The following LINGO2 variants were observed in gnomAD, a reference collection of about 807,000 sequenced individuals.
LINGO2 encodes leucine-rich repeat and immunoglobulin-like domain-containing nogo receptor-interacting protein 2.
A neutral mutation model predicts 30.6 loss-of-function variants in LINGO2; 14 were observed. That is an observed-to-expected ratio of 0.46 (90% CI 0.30 to 0.72). The LOEUF is 0.72. LINGO2 is among the 30% of genes least tolerant of loss of function. The pLI is 0.07. For missense variants in LINGO2, 729 were observed against 751.7 expected, an observed-to-expected ratio of 0.97 and a Z score of 0.35; for synonymous variants, 317 against 288.5, an observed-to-expected ratio of 1.10 and a Z score of -1.00.
intron 2 of LINGO2, among the ~76,000 whole-genome samples, chr9:28,443,888 G>A (rs1015128412): frequency 6.6e-6 from 1 of 152,132 alleles, no homozygotes; most frequent in Non-Finnish European, 1.5e-5. Context: ...CTGAAGCCTG[G>A]GTCTGGGCTG....
the LINGO2 span, among the ~76,000 whole-genome samples, chr9:28,783,145 G>A: frequency 6.6e-6 from 1 of 152,122 alleles, no homozygotes; most frequent in Non-Finnish European, 1.5e-5. Context: ...AACTTCTGGT[G>A]CTCAACTTAA....
At chr9:28,881,270 T>C in the LINGO2 span, among the ~76,000 whole-genome samples, 1 of 152,138 alleles carries the variant, frequency 6.6e-6, no homozygotes, top group Middle Eastern at 3.4e-3. Flanking sequence ...ATTACAGGTA[T>C]GTCACACCAC....
chr9:27,964,973 A>T (rs2118647221), intron 5 of LINGO2, among the ~76,000 whole-genome samples: 1 of 152,256 alleles, frequency 6.6e-6, no homozygotes, highest in South Asian at 2.1e-4. Context: ...AACCTCTGGA[A>T]ATGCAGAGCA....
At chr9:28,187,491 G>GA (rs34656512) in intron 4 of LINGO2, among the ~76,000 whole-genome samples, 250 of 132,994 alleles carry the variant, frequency 1.9e-3, no homozygotes, top group African/African-American at 3.9e-3. Flanking sequence ...CTCTGTCTCA[G>GA]AAAAAAAAAA....
At chr9:28,991,646 A>C in the LINGO2 span, among the ~76,000 whole-genome samples, 16 of 150,464 alleles carry the variant, frequency 1.1e-4, no homozygotes, top group East Asian at 1.2e-3. Flanking sequence ...AGGGAAGCCC[A>C]TCAGACTAAC....
intron 4 of LINGO2, among the ~76,000 whole-genome samples, chr9:28,107,177 G>A (rs974352624): frequency 2.6e-5 from 4 of 152,138 alleles, no homozygotes; most frequent in African/African-American, 4.8e-5. Context: ...TTTAACAGAA[G>A]TATGTCTTTA....
intron 5 of LINGO2, among the ~76,000 whole-genome samples, chr9:27,982,912 A>T (rs888949809): frequency 1.3e-5 from 2 of 151,656 alleles, no homozygotes; most frequent in African/African-American, 4.8e-5. Flanking sequence ...ACACTTACGA[A>T]CTGTAAAGTG....
At chr9:28,201,078 C>CTTT (rs199805525) in intron 4 of LINGO2, among the ~76,000 whole-genome samples, 1 of 137,470 alleles carries the variant, frequency 7.3e-6, no homozygotes, top group East Asian at 2.1e-4. Flanking sequence ...TATCTTTTTT[C>CTTT]TTTTTTTTTT....
chr9:28,772,895 T>G, the LINGO2 span, among the ~76,000 whole-genome samples: 1 of 152,166 alleles, frequency 6.6e-6, no homozygotes, highest in African/African-American at 2.4e-5. Flanking sequence ...CTTAATCCAA[T>G]TTGTCCACAA....
chr9:28,215,751 T>C (rs935394453), intron 4 of LINGO2, among the ~76,000 whole-genome samples: 5 of 151,818 alleles, frequency 3.3e-5, no homozygotes, highest in African/African-American at 1.2e-4. Flanking sequence ...AACTCCATCA[T>C]AGAAACACTC....
At chr9:29,001,942 A>T in the LINGO2 span, among the ~76,000 whole-genome samples, 1 of 151,918 alleles carries the variant, frequency 6.6e-6, no homozygotes, top group South Asian at 2.1e-4. Flanking sequence ...TTCTCTCTTC[A>T]TCACTGGGTT....
At chr9:28,670,136 T>C (rs892957692) in intron 1 of LINGO2, 64 bp downstream of exon 3, 1 of 152,026 alleles carries the variant, frequency 6.6e-6, no homozygotes, top group Non-Finnish European at 1.5e-5. Context: ...AAAATAAGTT[T>C]TAAAATAAAA....
the LINGO2 span, among the ~76,000 whole-genome samples, chr9:29,038,800 T>C: frequency 4.6e-5 from 7 of 151,934 alleles, no homozygotes; most frequent in African/African-American, 1.7e-4. Context: ...AAACAGAAAG[T>C]AGAGCAGGAT....
At chr9:28,053,578 A>G (rs115208047) in intron 4 of LINGO2, among the ~76,000 whole-genome samples, 398 of 152,210 alleles carry the variant, frequency 2.6e-3, no homozygotes, top group African/African-American at 9.1e-3. Context: ...TAAGGTTTAC[A>G]ATCAAAACAC....
At chr9:28,600,383 T>G (rs796351134) in intron 1 of LINGO2, among the ~76,000 whole-genome samples, 2 of 152,166 alleles carry the variant, frequency 1.3e-5, no homozygotes, top group Non-Finnish European at 2.9e-5. Context: ...TTCATTGTTA[T>G]ATGTTTATAT....
At chr9:28,572,514 A>G (rs1255957363) in intron 1 of LINGO2, among the ~76,000 whole-genome samples, 3 of 152,112 alleles carry the variant, frequency 2.0e-5, no homozygotes, top group Non-Finnish European at 2.9e-5. Context: ...CATAACAACA[A>G]GGCCGCTCTT....
the LINGO2 span, among the ~76,000 whole-genome samples, chr9:28,951,092 T>C: frequency 6.6e-6 from 1 of 151,902 alleles, no homozygotes; most frequent in Non-Finnish European, 1.5e-5. Flanking sequence ...ATGCCACACA[T>C]CTACAACCAC....
chr9:29,096,050 A>G, the LINGO2 span, among the ~76,000 whole-genome samples: 1 of 138,748 alleles, frequency 7.2e-6, no homozygotes, highest in Non-Finnish European at 1.6e-5. Context: ...CTAGTCCAGG[A>G]GCTCTTTTCA....
chr9:28,161,528 G>A (rs78280694), intron 4 of LINGO2, among the ~76,000 whole-genome samples: 1,526 of 152,122 alleles, frequency 0.01, 15 homozygotes, highest in South Asian at 0.036. Flanking sequence ...GATAGTATTA[G>A]CCTCATTTTT....
Sources: allele counts gnomAD v4.1 joint callset (sites outside exome capture counted in the v4.1 genomes callset), GRCh38; gene constraint gnomAD v4.1.1; transcripts MANE v1.5; gene names NCBI Gene and HGNC (gene_info 2026-07-23, HGNC 2026-07-21).